Variants in ITGA8 observed in about 807,000 individuals in gnomAD.
ITGA8 encodes the protein integrin alpha-8.
Under a neutral mutation model 142.3 loss-of-function variants are expected in ITGA8, and 91 were observed. The observed-to-expected ratio is 0.64, with a 90% CI of 0.54 to 0.76. ITGA8 has a LOEUF of 0.76. Among genes scored for constraint, ITGA8 ranks in the 30% least tolerant of loss-of-function variants. The pLI, the probability that ITGA8 is intolerant of heterozygous loss-of-function variation, is 0.00. For missense variants in ITGA8, 1,406 were observed against 1,327.7 expected, an observed-to-expected ratio of 1.06 and a Z score of -0.92; for synonymous variants, 505 against 485.2, an observed-to-expected ratio of 1.04 and a Z score of -0.54.
chr10:15,549,734 T>C (rs1833759406), intron 26 of ITGA8, among the ~76,000 whole-genome samples: 3 of 152,246 alleles, frequency 2.0e-5, no homozygotes, highest in Admixed American at 2.0e-4. Flanking sequence ...TGTGAAGTAG[T>C]TGACTGAGAC....
chr10:15,646,993 G>A lies in ITGA8; in HGVS notation c.1060C>T (p.Pro354Ser). 6.2e-7 allele frequency: 1 copy of A among 1,613,912 alleles called. No individual in the cohort carries two copies. The highest frequency in any genetic ancestry group is 8.5e-7 in the Non-Finnish European group (1 of 1,180,002). ...AGGTAGATTTGCCCTACTTCTCTGG[G>A]GTTGCTCTCAAATTCACGTTCCATA... The part of the protein sequence containing the change: ...LFMEREFESN[P>S]REVGQIYLYL... The change falls in exon 12 of 30, where the codon CCC (proline) becomes TCC (serine). Residue 354 changes from proline (P) to serine (S), a missense_variant. Physicochemically the swap from Pro to Ser is moderately conservative, Grantham distance 74. Transcript: ENST00000378076.
intron 13 of ITGA8, among the ~76,000 whole-genome samples, chr10:15,642,785 C>G (rs189967212): frequency 2.0e-5 from 3 of 152,184 alleles, no homozygotes; most frequent in Admixed American, 2.0e-4. Flanking sequence ...TTGCGGTATC[C>G]TTTTTGTCTA....
intron 19 of ITGA8, among the ~76,000 whole-genome samples, chr10:15,604,984 C>T (rs113727527): frequency 6.6e-6 from 1 of 152,214 alleles, no homozygotes; most frequent in South Asian, 2.1e-4. Context: ...CACTTTTTAA[C>T]CTTACTTAAA....
At chr10:15,546,462 T>A (rs1043140667) in intron 27 of ITGA8, among the ~76,000 whole-genome samples, 22 of 152,312 alleles carry the variant, frequency 1.4e-4, no homozygotes, top group African/African-American at 5.3e-4. Flanking sequence ...GGTCAGTGGT[T>A]CAAAATGGGA....
chr10:15,578,457 A>C (rs1834339481), intron 23 of ITGA8, among the ~76,000 whole-genome samples: 1 of 152,136 alleles, frequency 6.6e-6, no homozygotes, highest in African/African-American at 2.4e-5. Flanking sequence ...ATTATTAACA[A>C]AGCTGCTATT....
intron 10 of ITGA8, 67 bp from the exon 11 acceptor site, chr10:15,655,473 T>C (rs1176926438): frequency 9.6e-7 from 1 of 1,047,006 alleles, no homozygotes; most frequent in Non-Finnish European, 1.5e-6. Context: ...ATGTCTCTAT[T>C]ATTCCTGAAA....
At chr10:15,680,683 T>C (rs769961500) in intron 4 of ITGA8, among the ~76,000 whole-genome samples, 1 of 152,284 alleles carries the variant, frequency 6.6e-6, no homozygotes, top group Non-Finnish European at 1.5e-5. Context: ...TTTTTATGAT[T>C]GTAAATTATT....
intron 2 of ITGA8, among the ~76,000 whole-genome samples, chr10:15,697,171 T>G (rs75216541): frequency 2.5e-3 from 387 of 152,244 alleles, no homozygotes; most frequent in Middle Eastern, 0.017. Flanking sequence ...ATCTATAAGA[T>G]AGACTAAGAT....
chr10:15,517,022 T>TC lies in ITGA8; in HGVS notation c.*135_*136insG. 2.2e-6 allele frequency: 1 copy of TC among 446,468 alleles called. No homozygotes were observed. Among genetic ancestry groups the TC allele is most frequent in the Non-Finnish European group, 3.8e-6 (1 of 263,672 alleles). The allele number at this position is 446,468 out of a possible 1,614,324, so 27.7% of individuals were successfully genotyped here. On this transcript the variant is annotated 3_prime_UTR_variant, in exon 30 of 30. Transcript: ENST00000378076. ...TCTCCAAAGTGCGGTGTAGATGAGGTGATGTTTCCAGGGTCCCCTCCATTT... is the reference window on the plus strand; with the variant it reads ...TCTCCAAAGTGCGGTGTAGATGAGGTCGATGTTTCCAGGGTCCCCTCCATTT...
At chr10:15,530,210 T>C (rs150910759) in intron 28 of ITGA8, among the ~76,000 whole-genome samples, 3 of 152,276 alleles carry the variant, frequency 2.0e-5, no homozygotes, top group African/African-American at 4.8e-5. Flanking sequence ...TGTTCTGTGA[T>C]AGATGTTTGG....
At chr10:15,674,769 C>T (rs1212038661) in intron 6 of ITGA8, among the ~76,000 whole-genome samples, 2 of 151,956 alleles carry the variant, frequency 1.3e-5, no homozygotes, top group African/African-American at 4.8e-5. Flanking sequence ...TTGTGAAACC[C>T]TGTCTACTAA....
chr10:15,626,254 A>G (rs570060262), intron 13 of ITGA8, among the ~76,000 whole-genome samples: 1 of 151,994 alleles, frequency 6.6e-6, no homozygotes, highest in African/African-American at 2.4e-5. Flanking sequence ...TCTTTTTTGG[A>G]GACAGTCTCA....
chr10:15,574,101 C>T (rs1185257279), intron 24 of ITGA8, among the ~76,000 whole-genome samples: 1 of 152,092 alleles, frequency 6.6e-6, no homozygotes, highest in African/African-American at 2.4e-5. Flanking sequence ...GGATTACAGG[C>T]TTGAGCCACT....
At chr10:15,543,038 G>A (rs1414519772) in intron 27 of ITGA8, among the ~76,000 whole-genome samples, 1 of 152,194 alleles carries the variant, frequency 6.6e-6, no homozygotes, top group Non-Finnish European at 1.5e-5. Context: ...CAGAGTTATT[G>A]CTGGCTTACA....
In ITGA8 at chr10:15,516,207, CT is replaced by C. The variant is rs2131527122; in HGVS notation, c.*950del. On this transcript the variant is annotated 3_prime_UTR_variant, in exon 30 of 30. Coordinates refer to ENST00000378076, the MANE Select transcript of ITGA8 (RefSeq NM_003638.3). ...GACATTTTACCATGACTTTTAAACA[CT>C]CCAAAGGTAGAGAGTACCTCGAAAT... is the stretch of plus-strand genomic sequence containing the variant. The C allele has an allele frequency of 6.6e-6, 1 of 152,264 alleles. No individual in the cohort carries two copies. The highest frequency in any genetic ancestry group is 1.5e-5 in the Non-Finnish European group (1 of 68,030). 9.4% of individuals were successfully genotyped at this position (152,264 alleles called of 1,614,324 possible). A position where few individuals can be genotyped will look rare whatever the true frequency, so the allele number is the denominator to read the frequency against.
chr10:15,657,788 A>G (rs1834214094), intron 10 of ITGA8, among the ~76,000 whole-genome samples: 1 of 152,126 alleles, frequency 6.6e-6, no homozygotes, highest in African/African-American at 2.4e-5. Flanking sequence ...AGCTTTGTTC[A>G]TATTTAGTTT....
At chr10:15,644,649 A>G (rs1038336857) in intron 12 of ITGA8, among the ~76,000 whole-genome samples, 5 of 150,626 alleles carry the variant, frequency 3.3e-5, no homozygotes, top group African/African-American at 1.2e-4. Flanking sequence ...TTCTTTTTTA[A>G]GTACAGAAGA....
chr10:15,643,997 G>A (rs752562988), intron 13 of ITGA8, 33 bp downstream of exon 13: 32 of 1,582,638 alleles, frequency 2.0e-5, no homozygotes, highest in Non-Finnish European at 2.6e-5. Context: ...TCAGGACGTA[G>A]ACTCTCACGT....
At chr10:15,672,562 C>T (rs1834544150) in intron 7 of ITGA8, 62 bp downstream of exon 7, 12 of 1,538,788 alleles carry the variant, frequency 7.8e-6, no homozygotes, top group African/African-American at 1.4e-5. Context: ...ATAAAACTTG[C>T]ATCTACATTT....
Sources: allele counts gnomAD v4.1 joint callset (sites outside exome capture counted in the v4.1 genomes callset), GRCh38; gene constraint gnomAD v4.1.1; transcripts MANE v1.5; gene names NCBI Gene and HGNC (gene_info 2026-07-23, HGNC 2026-07-21).